Variants in AFAP1 observed in about 807,000 individuals in gnomAD.
The protein encoded by AFAP1 is actin filament-associated protein 1.
A neutral mutation model predicts 93.9 loss-of-function variants in AFAP1; 75 were observed. The observed-to-expected ratio is 0.80, with a 90% CI of 0.66 to 0.97. The LOEUF is 0.97. AFAP1 is among the 50% of genes least tolerant of loss of function. The pLI is 0.00. For missense variants in AFAP1, 1,201 were observed against 1,050.8 expected, an observed-to-expected ratio of 1.14 and a Z score of -1.98; for synonymous variants, 517 against 430.7, an observed-to-expected ratio of 1.20 and a Z score of -2.48.
intron 1 of AFAP1, among the ~76,000 whole-genome samples, chr4:7,875,886 G>C (rs1717471684): frequency 6.6e-6 from 1 of 152,116 alleles, no homozygotes; most frequent in South Asian, 2.1e-4. Context: ...CAAATTCATA[G>C]AGGCAGAAAG....
rs897790307 is a variant in AFAP1, at chr4:7,843,488, A to T, written c.335-138T>A. The T allele has an allele frequency of 1.5e-5, 11 of 751,350 alleles. No individual in the cohort carries two copies. The African/African-American group carries it at 1.8e-4, about 12-fold the overall frequency. The allele number at this position is 751,350 out of a possible 1,614,324, so 46.5% of individuals were successfully genotyped here. On this transcript the variant is annotated intron_variant, in intron 4 of 17. Coordinates refer to ENST00000420658, the MANE Select transcript of AFAP1 (RefSeq NM_001134647.2). ...GGACCTCTGCTCCTTAAGGGAAAAAACAAAAACAAAAACAAAAATAAAAAA... is the reference window on the plus strand; with the variant it reads ...GGACCTCTGCTCCTTAAGGGAAAAATCAAAAACAAAAACAAAAATAAAAAA...
At chr4:7,805,450 G>C (rs1465559447) in intron 9 of AFAP1, among the ~76,000 whole-genome samples, 1 of 152,112 alleles carries the variant, frequency 6.6e-6, no homozygotes, top group Middle Eastern at 3.2e-3. Flanking sequence ...CTGTGCCTTG[G>C]ATAGGTCTGG....
chr4:7,797,183 T>C (rs1718509212), intron 10 of AFAP1, among the ~76,000 whole-genome samples: 1 of 152,172 alleles, frequency 6.6e-6, no homozygotes, highest in Admixed American at 6.5e-5. Flanking sequence ...CTAATAAATG[T>C]AGAAGGAATA....
chr4:7,865,521 T>C (rs1006319695), intron 3 of AFAP1, among the ~76,000 whole-genome samples: 4 of 152,198 alleles, frequency 2.6e-5, no homozygotes, highest in Admixed American at 2.0e-4. Flanking sequence ...CCCAGACTAG[T>C]TTGCCATAAC....
rs755649878 is a variant in AFAP1 at position 7,774,819 on chromosome 4, C to G, written c.1982G>C (p.Arg661Thr). The stretch of plus-strand genomic sequence containing the variant: ...CAGCCTATTCCGCAGGGCCTCTTTC[C>G]TCTTCAGCAGCTCCTCCTCTTTGGT... Reference protein sequence around the residue: ...LQTKEEELLKRKEALRNRLAQ... With the variant: ...LQTKEEELLKTKEALRNRLAQ... The change falls in exon 15 of 18, where the codon AGG becomes ACG. Residue 661 changes from arginine (R) to threonine (T), a missense_variant. Physicochemically the swap from Arg to Thr is moderately conservative, Grantham distance 71. Transcript: ENST00000420658. The G allele has an allele frequency of 1.2e-6, 2 of 1,614,216 alleles. No homozygotes were observed. Among genetic ancestry groups the G allele is most frequent in the East Asian group, 2.2e-5 (1 of 44,888 alleles).
intron 14 of AFAP1, chr4:7,776,775 A>T (rs1716171965): frequency 6.6e-6 from 1 of 152,228 alleles, no homozygotes; most frequent in African/African-American, 2.4e-5. Context: ...CGCTGTTTGC[A>T]GCTAAGGTTA....
intron 6 of AFAP1, among the ~76,000 whole-genome samples, chr4:7,830,098 T>A (rs927453486): frequency 1.9e-3 from 28 of 15,008 alleles, no homozygotes; most frequent in African/African-American, 1.0e-2. Context: ...GATACTTTGT[T>A]TAGGTGGAAA....
At chr4:7,769,145 C>T (rs1044860099) in intron 16 of AFAP1, 137 bp from the exon 17 acceptor site, 2 of 1,190,976 alleles carry the variant, frequency 1.7e-6, no homozygotes, top group Admixed American at 2.6e-5. Context: ...GCAAGGACTG[C>T]CACGTGGTCA....
intron 17 of AFAP1, 39 bp downstream of exon 17, chr4:7,768,805 G>GCCCAGGACACCCAGACAC: frequency 2.0e-6 from 3 of 1,523,900 alleles, no homozygotes; most frequent in Non-Finnish European, 2.7e-6. Flanking sequence ...TAAAGTGCCT[G>GCCCAGGACACCCAGACAC]CCCAGGACAC....
chr4:7,885,260 C>T (rs1327455575), intron 1 of AFAP1, among the ~76,000 whole-genome samples: 1 of 152,156 alleles, frequency 6.6e-6, no homozygotes, highest in Non-Finnish European at 1.5e-5. Flanking sequence ...CACTTCAGGC[C>T]TTCTCAATCC....
At chr4:7,766,695 C>T (rs1296038008) in intron 17 of AFAP1, among the ~76,000 whole-genome samples, 1 of 152,166 alleles carries the variant, frequency 6.6e-6, no homozygotes, top group Non-Finnish European at 1.5e-5. Flanking sequence ...CCTGGAGCAG[C>T]CCAGCGCCTG....
At chr4:7,829,814 T>C (rs1426009944) in intron 6 of AFAP1, among the ~76,000 whole-genome samples, 2 of 152,180 alleles carry the variant, frequency 1.3e-5, no homozygotes, top group African/African-American at 4.8e-5. Context: ...TAGCTATACA[T>C]CAAAATTATA....
At chr4:7,780,529 T>C (rs1430427719) in intron 13 of AFAP1, among the ~76,000 whole-genome samples, 3 of 152,218 alleles carry the variant, frequency 2.0e-5, no homozygotes, top group African/African-American at 7.2e-5. Flanking sequence ...ATATGCATGA[T>C]AAGCTGGGCA....
chr4:7,771,989 T>C (rs1282952559), intron 16 of AFAP1, among the ~76,000 whole-genome samples: 1 of 152,142 alleles, frequency 6.6e-6, no homozygotes, highest in Non-Finnish European at 1.5e-5. Flanking sequence ...AATGTGTCAA[T>C]CTTCCCCACA....
intron 1 of AFAP1, among the ~76,000 whole-genome samples, chr4:7,936,704 C>A (rs1272521891): frequency 1.3e-5 from 2 of 151,684 alleles, no homozygotes; most frequent in East Asian, 3.9e-4. Context: ...GCCTCAGCTT[C>A]CCGAGTAGCT....
Position 7,774,892 on chromosome 4 carries a change from A to C in AFAP1, c.1909T>G (p.Tyr637Asp). 1.2e-6 allele frequency: 2 copies of C among 1,613,012 alleles called. 1 individual carries two copies. Among genetic ancestry groups the C allele is most frequent in the South Asian group, 2.2e-5 (2 of 90,704 alleles). ...TCTACCCGGTTCTTGCCATACTTGT[A>C]CTGGGCAGCATCTTGAGAAGAAAAA... ...VKRTGSNAAQ[Y>D]KYGKNRVEAD... The change falls in exon 15 of 18, where the codon TAC becomes GAC. Residue 637 changes from tyrosine to aspartate, a missense_variant. Coordinates refer to ENST00000420658, the MANE Select transcript of AFAP1 (RefSeq NM_001134647.2).
At chr4:7,813,903 A>G (rs1720254497) in intron 8 of AFAP1, among the ~76,000 whole-genome samples, 1 of 152,140 alleles carries the variant, frequency 6.6e-6, no homozygotes, top group Non-Finnish European at 1.5e-5. Flanking sequence ...GAGACAGGAA[A>G]CACTTGGCTC....
chr4:7,771,107 A>G (rs1715366722), intron 16 of AFAP1, among the ~76,000 whole-genome samples: 1 of 152,220 alleles, frequency 6.6e-6, no homozygotes, highest in African/African-American at 2.4e-5. Context: ...TCCGCATCTG[A>G]CACCAACGTG....
chr4:7,786,277 A>G lies in AFAP1; in HGVS notation c.1447T>C (p.Tyr483His). 6.2e-7 allele frequency: 1 copy of G among 1,614,196 alleles called. No individual in the cohort carries two copies. The highest frequency in any genetic ancestry group is 1.3e-5 in the African/African-American group (1 of 75,052). The change falls in exon 12 of 18, where the codon TAT becomes CAT. Residue 483 changes from tyrosine to histidine, a missense_variant. Coordinates refer to ENST00000420658, the MANE Select transcript of AFAP1 (RefSeq NM_001134647.2). ...TAGCCGTTGGAGGTGCCCCCTAGAT[A>G]TGGGTTAGCAGATATAACACGCCTG... ...MNRRVISANP[Y>H]LGGTSNGYAH...
Sources: allele counts gnomAD v4.1 joint callset (sites outside exome capture counted in the v4.1 genomes callset), GRCh38; gene constraint gnomAD v4.1.1; transcripts MANE v1.5; gene names NCBI Gene and HGNC (gene_info 2026-07-23, HGNC 2026-07-21).